The following IGFBP5 variants were observed in gnomAD, a reference collection of about 807,000 sequenced individuals.
IGFBP5 encodes insulin like growth factor binding protein 5.
In IGFBP5, 12 loss-of-function variants were observed where a neutral mutation model predicts 28.0. That is an observed-to-expected ratio of 0.43 (90% CI 0.27 to 0.69). The LOEUF is 0.69. Ranked by LOEUF, IGFBP5 falls within the 30% of genes least tolerant of loss-of-function variation. The pLI, the probability that IGFBP5 is intolerant of heterozygous loss-of-function variation, is 0.20. For missense variants in IGFBP5, 344 were observed against 381.6 expected (o/e 0.90, Z 0.82); for synonymous variants, 152 against 150.2 (o/e 1.01, Z -0.09).
rs1277522678 is a variant in IGFBP5 at position 216,672,268 on chromosome 2, G to A, written c.*4483C>T. 7.0e-6 allele frequency: 1 copy of A among 143,308 alleles called. No homozygotes were observed. The highest frequency in any genetic ancestry group is 1.5e-5 in the Non-Finnish European group (1 of 66,916). The allele number at this position is 143,308 out of a possible 1,614,324, so 8.9% of individuals were successfully genotyped here. On this transcript the variant is annotated 3_prime_UTR_variant, in exon 4 of 4. Transcript: ENST00000233813. ...TTTTTTATTTCCTTAAGTACAAAAT[G>A]CTAAACGGGAGCCGAGCTCTTCCGC...
intron 1 of IGFBP5, among the ~76,000 whole-genome samples, chr2:216,688,232 T>C (rs1234841153): frequency 6.6e-6 from 1 of 152,246 alleles, no homozygotes; most frequent in Non-Finnish European, 1.5e-5. Flanking sequence ...ACTCTGCTTT[T>C]TCAACTGTAA....
intron 1 of IGFBP5, among the ~76,000 whole-genome samples, chr2:216,686,971 G>A (rs2106223041): frequency 6.6e-6 from 1 of 152,240 alleles, no homozygotes; most frequent in East Asian, 1.9e-4. Context: ...ATATTCTGAG[G>A]ATTAATCAGG....
Position 216,678,891 on chromosome 2 carries a change from G to A in IGFBP5, c.526C>T (p.Arg176Trp), listed in dbSNP as rs763073487. Residue 176 changes from arginine (R) to tryptophan (W), a missense_variant, in exon 2 of 4, where the codon CGG becomes TGG. Physicochemically the swap from Arg to Trp is moderately radical, Grantham distance 101. Around this residue, in one of 3 missense-constraint regions of IGFBP5, gnomAD observed 304 missense variants for 329.2 expected, o/e 0.92. Transcript: ENST00000233813. Reference protein sequence around the residue: ...VGGAENTAHPRIISAPEMRQE... With the variant: ...VGGAENTAHPWIISAPEMRQE... ...CTCATCTCAGGTGCAGAGATGATCC[G>A]GGGGTGGGCAGTGTTCTCGGCTCCC... is the stretch of plus-strand genomic sequence containing the variant. 51 of 1,614,076 alleles carry A rather than the reference G, an allele frequency of 3.2e-5. 1 individual carries two copies. Among genetic ancestry groups the A allele is most frequent in the South Asian group, 2.3e-4 (21 of 91,086 alleles).
At chr2:216,691,541 C>T (rs1404498561) in intron 1 of IGFBP5, among the ~76,000 whole-genome samples, 1 of 152,174 alleles carries the variant, frequency 6.6e-6, no homozygotes, top group Non-Finnish European at 1.5e-5. Flanking sequence ...CCGTATCTAT[C>T]TCTGCTCCTG....
chr2:216,691,024 G>T (rs1479757915), intron 1 of IGFBP5, among the ~76,000 whole-genome samples: 1 of 152,024 alleles, frequency 6.6e-6, no homozygotes, highest in Non-Finnish European at 1.5e-5. Context: ...GAGGGAGGGG[G>T]TGCGGGTGGG....
chr2:216,684,524 C>T (rs753068808), intron 1 of IGFBP5, among the ~76,000 whole-genome samples: 1 of 152,142 alleles, frequency 6.6e-6, no homozygotes, highest in Non-Finnish European at 1.5e-5. Context: ...CCAGGCCACC[C>T]AGACCTGGGG....
At chr2:216,684,409 T>A (rs1456454057) in intron 1 of IGFBP5, among the ~76,000 whole-genome samples, 1 of 152,208 alleles carries the variant, frequency 6.6e-6, no homozygotes, top group Non-Finnish European at 1.5e-5. Flanking sequence ...AATAATCAAT[T>A]GTAAGAGAAA....
chr2:216,689,903 T>G (rs1338918721), intron 1 of IGFBP5, among the ~76,000 whole-genome samples: 1 of 152,136 alleles, frequency 6.6e-6, no homozygotes, highest in African/African-American at 2.4e-5. Context: ...AACAGCATAG[T>G]GGCCAAGGTG....
chr2:216,682,707 GTTTT>G (rs933916180), intron 1 of IGFBP5, among the ~76,000 whole-genome samples: 2 of 151,182 alleles, frequency 1.3e-5, no homozygotes, highest in Non-Finnish European at 3.0e-5. Context: ...GACTGGAAGC[GTTTT>G]TTGTTTTTTT....
In IGFBP5 at chr2:216,672,322, C is replaced by CTTT. The variant is rs549562366; in HGVS notation, c.*4426_*4428dup. ...CAGGTGTTTTTTTTTTTTTTTTCGG[C>CTTT]TTTTTTTTTTTTTTCTCACAAACTG... is the stretch of plus-strand genomic sequence containing the variant. On this transcript the variant is annotated 3_prime_UTR_variant, in exon 4 of 4. Transcript: ENST00000233813. 8.1e-3 allele frequency: 754 copies of CTTT among 92,990 alleles called. 23 individuals carry two copies. Among genetic ancestry groups the CTTT allele is most frequent in the East Asian group, 0.059 (189 of 3,196 alleles). The allele number at this position is 92,990 out of a possible 1,614,324, so 5.8% of individuals were successfully genotyped here.
rs59144401 is a variant in IGFBP5, at chr2:216,692,362, CGTGTGTGTGTGTGTGTGTGT to C, written c.337+2057_337+2076del. 7.0e-5 allele frequency among the ~76,000 whole-genome samples: 10 copies of C among 142,534 alleles called. No homozygotes were observed. The highest frequency in any genetic ancestry group is 2.3e-4 in the African/African-American group (9 of 38,684). 93.5% of individuals were successfully genotyped at this position (142,534 alleles called of 152,430 possible). A position where few individuals can be genotyped will look rare whatever the true frequency, so the allele number is the denominator to read the frequency against. The stretch of plus-strand genomic sequence containing the variant: ...GGGATCTTGCTTGGGACTGAAGTGT[CGTGTGTGTGTGTGTGTGTGT>C]GTGTGTGTGTGTGTGTGTGTGATGC... On this transcript the variant is annotated intron_variant, in intron 1 of 3. Coordinates refer to ENST00000233813, the MANE Select transcript of IGFBP5 (RefSeq NM_000599.4). This position sits in a 1 kb window ranked among gnomAD's most constrained non-coding sequence, Gnocchi z 4.2.
At position 216,695,073 on chromosome 2, in the gene IGFBP5, C is replaced by A. The variant is rs764832698; in HGVS notation, c.-298G>T. On this transcript the variant is annotated 5_prime_UTR_variant, in exon 1 of 4. Coordinates refer to ENST00000233813, the MANE Select transcript of IGFBP5 (RefSeq NM_000599.4). ...GGCCGGAGAAACCCTCAAGCCTGAG[C>A]GGGTCAGAATTATAGGGGAAAAAAA... 6.6e-6 allele frequency: 2 copies of A among 303,272 alleles called. No homozygotes were observed. The highest frequency in any genetic ancestry group is 6.0e-6 in the Non-Finnish European group (1 of 165,986). 18.8% of individuals were successfully genotyped at this position (303,272 alleles called of 1,614,324 possible). A position where few individuals can be genotyped will look rare whatever the true frequency, so the allele number is the denominator to read the frequency against.
intron 3 of IGFBP5, among the ~76,000 whole-genome samples, chr2:216,677,596 A>C (rs1052151334): frequency 6.6e-6 from 1 of 152,184 alleles, no homozygotes; most frequent in Non-Finnish European, 1.5e-5. Context: ...CCCTTAAAGC[A>C]GCATCAGGGT....
Position 216,675,740 on chromosome 2 carries a change from A to G in IGFBP5, c.*1011T>C, listed in dbSNP as rs2106215919. The G allele has an allele frequency of 6.6e-6, 1 of 152,314 alleles. No homozygotes were observed. The highest frequency in any genetic ancestry group is 6.5e-5 in the Admixed American group (1 of 15,302). The allele number at this position is 152,314 out of a possible 1,614,324, so 9.4% of individuals were successfully genotyped here. ...ACCTTTGAAAGAAAGGAAGAAAGAA[A>G]AAAACAAAGAAAAAGAATAGATTTA... On this transcript the variant is annotated 3_prime_UTR_variant, in exon 4 of 4. Coordinates refer to ENST00000233813, the MANE Select transcript of IGFBP5 (RefSeq NM_000599.4).
intron 1 of IGFBP5, among the ~76,000 whole-genome samples, chr2:216,685,240 C>T (rs11575161): frequency 0.34 from 51,655 of 150,014 alleles, 10,176 homozygotes; most frequent in South Asian, 0.48. Context: ...AAGATCGTGC[C>T]ACTACATTCC....
intron 1 of IGFBP5, among the ~76,000 whole-genome samples, chr2:216,680,567 A>G (rs1216839531): frequency 6.6e-6 from 1 of 152,216 alleles, no homozygotes; most frequent in Non-Finnish European, 1.5e-5. Context: ...GGTGGCAGGA[A>G]GCACCCAAGC....
intron 1 of IGFBP5, among the ~76,000 whole-genome samples, chr2:216,691,833 T>C (rs953738045): frequency 7.3e-5 from 8 of 109,132 alleles, no homozygotes; most frequent in African/African-American, 2.7e-4. Flanking sequence ...AGATATAATA[T>C]GTCGTGTGTG....
intron 1 of IGFBP5, among the ~76,000 whole-genome samples, chr2:216,691,836 CGTGTGTGTGTGTGT>C (rs56040272): frequency 7.7e-4 from 93 of 121,226 alleles, no homozygotes; most frequent in African/African-American, 2.2e-3. Flanking sequence ...TATAATATGT[CGTGTGTGTGTGTGT>C]GTGTGTGTGT....
At position 216,678,018 on chromosome 2, in the gene IGFBP5, G is replaced by A. The variant is rs1369100021; in HGVS notation, c.687+94C>T. 11 of 1,228,568 alleles carry A rather than the reference G, an allele frequency of 9.0e-6. No individual in the cohort carries two copies. The South Asian group carries it at 1.6e-4, about 18-fold the overall frequency. The allele number at this position is 1,228,568 out of a possible 1,614,324, so 76.1% of individuals were successfully genotyped here. On this transcript the variant is annotated intron_variant, in intron 3 of 3. Coordinates refer to ENST00000233813, the MANE Select transcript of IGFBP5 (RefSeq NM_000599.4). ...GCCCAGGAAACACTAAGTGGTTAAC[G>A]GTGGAAACCTTAGGCACTTGCCCAA...
Sources: allele counts gnomAD v4.1 joint callset (sites outside exome capture counted in the v4.1 genomes callset), GRCh38; gene constraint gnomAD v4.1.1; regional missense constraint gnomAD v4.1.1; non-coding constraint Gnocchi (gnomAD v3.1); transcripts MANE v1.5; gene names NCBI Gene and HGNC (gene_info 2026-07-23, HGNC 2026-07-21).